SNX29: variants seen among roughly 807,000 people sequenced by gnomAD.
The protein encoded by SNX29 is sorting nexin-29.
Under a neutral mutation model 102.1 loss-of-function variants are expected in SNX29, and 78 were observed. The observed-to-expected ratio is 0.76, with a 90% confidence interval of 0.64 to 0.92. The LOEUF (loss-of-function observed/expected upper bound fraction) is 0.92, where lower values mean the gene tolerates loss of function less well. Ranked by LOEUF, SNX29 falls within the 40% of genes least tolerant of loss-of-function variation. The pLI is 0.00. For missense variants in SNX29, 1,280 were observed against 1,061.7 expected (o/e 1.21, Z -2.86); for synonymous variants, 580 against 414.5 (o/e 1.40, Z -4.85).
chr16:12,168,391 C>G (rs944203357), intron 13 of SNX29, among the ~76,000 whole-genome samples: 3 of 152,156 alleles, frequency 2.0e-5, no homozygotes, highest in Non-Finnish European at 4.4e-5. Context: ...TTAAGGAACC[C>G]TTGTCACGGG....
chr16:12,011,137 TC>T (rs2056638016), intron 3 of SNX29, among the ~76,000 whole-genome samples: 1 of 151,512 alleles, frequency 6.6e-6, no homozygotes, highest in East Asian at 1.9e-4. Flanking sequence ...TAGTAGACAG[TC>T]CATATTGCAT....
intron 15 of SNX29, among the ~76,000 whole-genome samples, chr16:12,286,149 T>C (rs1443177762): frequency 1.4e-5 from 2 of 141,928 alleles, no homozygotes; most frequent in African/African-American, 5.5e-5. Flanking sequence ...GTCCTGTTTG[T>C]TTTTTTTTTT....
intron 14 of SNX29, among the ~76,000 whole-genome samples, chr16:12,248,051 G>A (rs2078310694): frequency 6.6e-6 from 1 of 152,070 alleles, no homozygotes; most frequent in Admixed American, 6.5e-5. Flanking sequence ...CAGCTTCCCC[G>A]CTGCCCTCCC....
intron 10 of SNX29, among the ~76,000 whole-genome samples, chr16:12,072,174 A>G (rs190202551): frequency 1.8e-3 from 276 of 152,116 alleles, no homozygotes; most frequent in Non-Finnish European, 2.7e-3. Context: ...TCTCCTGCCT[A>G]ATTGCCCTGG....
chr16:12,391,796 T>G (rs911458550), intron 16 of SNX29, among the ~76,000 whole-genome samples: 2 of 152,180 alleles, frequency 1.3e-5, no homozygotes, highest in Non-Finnish European at 2.9e-5. Flanking sequence ...TGTTTCCCAC[T>G]CCACTCTCCC....
In SNX29 at chr16:12,303,199, TA is replaced by T. The variant is rs901249049; in HGVS notation, c.1782+25169del. On this transcript the variant is annotated intron_variant, in intron 15 of 20. Transcript: ENST00000566228. ...TCCACATAGTTGCTTTTGTTTTTTT[TA>T]AAAAATAATTAGTTTGACCAATATT... is the stretch of plus-strand genomic sequence containing the variant. Among the ~76,000 whole-genome samples the T allele has an allele frequency of 7.2e-4, 109 of 151,572 alleles. 2 individuals carry two copies. Among genetic ancestry groups the T allele is most frequent in the Admixed American group, 6.9e-3 (105 of 15,198 alleles).
rs115522604 is a variant in SNX29 at position 12,569,548 on chromosome 16, T to A, written c.*919T>A. On this transcript the variant is annotated 3_prime_UTR_variant, in exon 21 of 21. Transcript: ENST00000566228. ...TGAAGTTGGACCCAGTGTGGACACT[T>A]AACAGATCATGTGTCTCTCCACTAA... 3 of 231,240 alleles carry A rather than the reference T, an allele frequency of 1.3e-5. No homozygotes were observed. Among genetic ancestry groups the A allele is most frequent in the Admixed American group, 1.1e-4 (2 of 17,692 alleles). 14.3% of individuals were successfully genotyped at this position (231,240 alleles called of 1,614,324 possible).
At chr16:12,250,997 C>T (rs569717347) in intron 14 of SNX29, among the ~76,000 whole-genome samples, 28 of 152,352 alleles carry the variant, frequency 1.8e-4, no homozygotes, top group Non-Finnish European at 2.8e-4. Context: ...CAGAGCTCCA[C>T]GATGGCCCCC....
chr16:12,472,067 A>G (rs2087369821), intron 18 of SNX29, among the ~76,000 whole-genome samples: 1 of 152,278 alleles, frequency 6.6e-6, no homozygotes, highest in Non-Finnish European at 1.5e-5. Context: ...GAACAGGTGG[A>G]TACAAACAGG....
chr16:12,079,060 G>A (rs775183928), intron 11 of SNX29, 145 bp downstream of exon 11: 4 of 719,816 alleles, frequency 5.6e-6, no homozygotes, highest in East Asian at 2.7e-5. Context: ...GGTGTGGTAC[G>A]TGCTTGTGGA....
intron 17 of SNX29, 120 bp downstream of exon 17, chr16:12,398,621 T>G (rs1262361207): frequency 8.7e-7 from 1 of 1,153,200 alleles, no homozygotes. Context: ...ACAAGGTTGA[T>G]GTGGTTCTTG....
intron 13 of SNX29, among the ~76,000 whole-genome samples, chr16:12,132,906 A>C (rs912167429): frequency 2.6e-5 from 4 of 152,256 alleles, no homozygotes; most frequent in African/African-American, 9.6e-5. Context: ...TGTTCCAGAT[A>C]GAGTTAACCT....
chr16:12,353,723 G>A (rs2082056387), intron 15 of SNX29, among the ~76,000 whole-genome samples: 1 of 152,202 alleles, frequency 6.6e-6, no homozygotes, highest in African/African-American at 2.4e-5. Context: ...AAGGCCTGTG[G>A]GGACTGAGTG....
At chr16:12,119,989 A>T (rs542072826) in intron 11 of SNX29, among the ~76,000 whole-genome samples, 11 of 152,248 alleles carry the variant, frequency 7.2e-5, no homozygotes, top group African/African-American at 1.9e-4. Context: ...GTCTTGGGAC[A>T]TTTTTTCCTC....
intron 20 of SNX29, among the ~76,000 whole-genome samples, chr16:12,564,579 C>G (rs561882253): frequency 6.6e-6 from 1 of 152,152 alleles, no homozygotes; most frequent in South Asian, 2.1e-4. Flanking sequence ...GCCATCCAGA[C>G]GCCCCTTTTT....
At chr16:12,186,494 C>T (rs1015594364) in intron 13 of SNX29, among the ~76,000 whole-genome samples, 10 of 152,142 alleles carry the variant, frequency 6.6e-5, no homozygotes, top group East Asian at 3.9e-4. Flanking sequence ...CTTACACGAC[C>T]GCAGTGTGAT....
At position 12,572,378 on chromosome 16, in the gene SNX29, G is replaced by A. The variant is rs1047983101; in HGVS notation, c.*3749G>A. On this transcript the variant is annotated 3_prime_UTR_variant, in exon 21 of 21. Coordinates refer to ENST00000566228, the MANE Select transcript of SNX29 (RefSeq NM_032167.5). ...CAGCAGGCTCTGCCTTCTGGAGGCG[G>A]CTTATATCCCAACAGCCTGAGGCAG... 1.6e-5 allele frequency: 17 copies of A among 1,062,856 alleles called. No homozygotes were observed. Among genetic ancestry groups the A allele is most frequent in the African/African-American group, 6.6e-5 (4 of 60,956 alleles). The allele number at this position is 1,062,856 out of a possible 1,614,324, so 65.8% of individuals were successfully genotyped here. A position where few individuals can be genotyped will look rare whatever the true frequency, so the allele number is the denominator to read the frequency against.
At chr16:12,542,840 T>A (rs555424836) in intron 20 of SNX29, among the ~76,000 whole-genome samples, 39 of 152,160 alleles carry the variant, frequency 2.6e-4, no homozygotes, top group African/African-American at 9.4e-4. Context: ...TGTGGACCCA[T>A]GAGCAGTACT....
Position 12,567,088 on chromosome 16 carries a change from G to T in SNX29, c.2319-1418G>T, listed in dbSNP as rs2865574. Among the ~76,000 whole-genome samples, 16 of 152,278 alleles carry T rather than the reference G, an allele frequency of 1.1e-4. No individual in the cohort carries two copies. The South Asian group carries it at 2.9e-3, about 28-fold the overall frequency. On this transcript the variant is annotated intron_variant, in intron 20 of 20. Transcript: ENST00000566228. ...AGGGAACCCTGCAGGGATCCTCGAG[G>T]GGAATGATTTCTTTATGAATGCAAG...
Sources: allele counts gnomAD v4.1 joint callset (sites outside exome capture counted in the v4.1 genomes callset), GRCh38; gene constraint gnomAD v4.1.1; transcripts MANE v1.5; gene names NCBI Gene and HGNC (gene_info 2026-07-23, HGNC 2026-07-21).